CLN6: variants seen among roughly 807,000 people sequenced by gnomAD.
CLN6 encodes ceroid-lipofuscinosis neuronal protein 6.
CLN6 carries 22 observed loss-of-function variants against 33.3 expected under a neutral mutation model. That is an observed-to-expected ratio of 0.66 (90% CI 0.47 to 0.94). The LOEUF (loss-of-function observed/expected upper bound fraction) is 0.94. Among genes scored for constraint, CLN6 ranks in the 40% least tolerant of loss-of-function variants. The pLI, the probability that CLN6 is intolerant of heterozygous loss-of-function variation, is 0.00. For missense variants in CLN6, 387 were observed against 417.1 expected, an observed-to-expected ratio of 0.93 and a Z score of 0.63; for synonymous variants, 201 against 174.6, an observed-to-expected ratio of 1.15 and a Z score of -1.19.
Position 68,229,493 on chromosome 15 carries a change from C to T in CLN6, c.83+9G>A, listed in dbSNP as rs2141156141. 1 of 1,463,330 alleles carries T rather than the reference C, an allele frequency of 6.8e-7. No individual in the cohort carries two copies. Among genetic ancestry groups the T allele is most frequent in the Non-Finnish European group, 9.0e-7 (1 of 1,112,284 alleles). The allele number at this position is 1,463,330 out of a possible 1,614,324, so 90.6% of individuals were successfully genotyped here. A position where few individuals can be genotyped will look rare whatever the true frequency, so the allele number is the denominator to read the frequency against. ...CCTAGCCCGCCCTCTCACCCCGGCG[C>T]GCGCCCACCTGGCCTGCAGGAAGGA... On this transcript the variant is annotated intron_variant, in intron 1 of 6. Coordinates refer to ENST00000249806, the MANE Select transcript of CLN6 (RefSeq NM_017882.3).
At chr15:68,223,761 G>T (rs946114203) in intron 1 of CLN6, among the ~76,000 whole-genome samples, 15 of 152,052 alleles carry the variant, frequency 9.9e-5, no homozygotes, top group African/African-American at 3.4e-4. Context: ...AAAAAAAGAG[G>T]GGGGCTGGGC....
Position 68,207,223 on chromosome 15 carries a change from G to C in CLN6, c.*917C>G, listed in dbSNP as rs1188748944. The C allele has an allele frequency of 6.6e-6, 1 of 152,396 alleles. No individual in the cohort carries two copies. Among genetic ancestry groups the C allele is most frequent in the Non-Finnish European group, 1.5e-5 (1 of 68,180 alleles). 9.4% of individuals were successfully genotyped at this position (152,396 alleles called of 1,614,324 possible). ...GGGCCCAGCACCTTGTAAAGGCTTT[G>C]ATGAGAGGAGCTCTGGCTTTTGCTC... On this transcript the variant is annotated 3_prime_UTR_variant, in exon 7 of 7. Coordinates refer to ENST00000249806, the MANE Select transcript of CLN6 (RefSeq NM_017882.3).
chr15:68,229,468 C>A (rs1444682964), intron 1 of CLN6, 34 bp downstream of exon 1: 4 of 1,442,482 alleles, frequency 2.8e-6, no homozygotes, highest in Non-Finnish European at 3.7e-6. Flanking sequence ...CGCACAGGCG[C>A]CTAGCCCGCC....
In CLN6 at chr15:68,210,168, C is replaced by T. The variant is rs191162831; in HGVS notation, c.543-409G>A. Among the ~76,000 whole-genome samples the T allele has an allele frequency of 6.6e-6, 1 of 152,254 alleles. No homozygotes were observed. The highest frequency in any genetic ancestry group is 6.5e-5 in the Admixed American group (1 of 15,300). On this transcript the variant is annotated intron_variant, in intron 5 of 6. Coordinates refer to ENST00000249806, the MANE Select transcript of CLN6 (RefSeq NM_017882.3). The surrounding 1 kb of genome is among the most constrained non-coding windows in gnomAD (Gnocchi z 5.6). ...AAAAAGAGAACAGCACCTGCAGGGG[C>T]CTCTTGGTGAAGCACTGCACCCACT...
chr15:68,249,865 C>T (rs550672486), intron 1 of CLN6, among the ~76,000 whole-genome samples: 74 of 152,216 alleles, frequency 4.9e-4, no homozygotes, highest in Middle Eastern at 6.8e-3. Context: ...CTCTGCCTCC[C>T]GGGTTCAAGC....
At position 68,256,801 on chromosome 15, in the gene CLN6, A is replaced by G. The variant is rs771145592; in HGVS notation, c.68T>C (p.Ile23Thr). 8.5e-5 allele frequency: 59 copies of G among 691,320 alleles called. No homozygotes were observed. The highest frequency in any genetic ancestry group is 1.9e-5 in the Non-Finnish European group (7 of 378,052). 42.8% of individuals were successfully genotyped at this position (691,320 alleles called of 1,614,324 possible). ...CGCCTCGCCTCCCTCCCTCCTAGGGATGGCTCCCAGTGTCTCTGGCCGGGG... is the reference window on the plus strand; with the variant it reads ...CGCCTCGCCTCCCTCCCTCCTAGGGGTGGCTCCCAGTGTCTCTGGCCGGGG... The change falls in exon 1 of 7, where the codon ATC (isoleucine) becomes ACC (threonine). Residue 23 changes from isoleucine (I) to threonine (T), a missense_variant. Ile to Thr is a moderately conservative substitution (Grantham distance 89). Transcript: ENST00000538696. This position sits in a 1 kb window ranked among gnomAD's most constrained non-coding sequence, Gnocchi z 4.1.
Position 68,207,855 on chromosome 15 carries a change from G to C in CLN6, c.*285C>G. The C allele has an allele frequency of 2.1e-6, 1 of 475,442 alleles. No individual in the cohort carries two copies. The highest frequency in any genetic ancestry group is 6.0e-4 in the Middle Eastern group (1 of 1,658). The allele number at this position is 475,442 out of a possible 1,614,324, so 29.5% of individuals were successfully genotyped here. A position where few individuals can be genotyped will look rare whatever the true frequency, so the allele number is the denominator to read the frequency against. On this transcript the variant is annotated 3_prime_UTR_variant, in exon 7 of 7. Transcript: ENST00000249806. ...GTGGTCAGGTGCAGAGGAGGGCAGG[G>C]GCCCGGATCCTGGCCCAGAAACACT...
At chr15:68,235,587 A>AATAAATAAATAAATAAAT (rs1862434089) in intron 1 of CLN6, among the ~76,000 whole-genome samples, 2 of 95,074 alleles carry the variant, frequency 2.1e-5, no homozygotes, top group African/African-American at 9.2e-5. Flanking sequence ...AATAAAAATA[A>AATAAATAAATAAATAAAT]ATATATATAT....
upstream of CLN6, among the ~76,000 whole-genome samples, chr15:68,233,822 C>G (rs1021325793): frequency 6.6e-6 from 1 of 152,184 alleles, no homozygotes; most frequent in Non-Finnish European, 1.5e-5. The surrounding 1 kb of genome is among the most constrained non-coding windows in gnomAD (Gnocchi z 4.3). Context: ...GAAGGCTGCA[C>G]AAGGACAGAC....
upstream of CLN6, among the ~76,000 whole-genome samples, chr15:68,234,558 T>C (rs561159792): frequency 1.3e-5 from 2 of 152,304 alleles, no homozygotes; most frequent in Non-Finnish European, 1.5e-5. This position sits in a 1 kb window ranked among gnomAD's most constrained non-coding sequence, Gnocchi z 4.1. Flanking sequence ...ATTCAGACCC[T>C]GCCTAGAAGC....
At chr15:68,229,152 C>T (rs1168641909) in intron 1 of CLN6, among the ~76,000 whole-genome samples, 1 of 152,120 alleles carries the variant, frequency 6.6e-6, no homozygotes, top group Non-Finnish European at 1.5e-5. Context: ...TGTGTACCCA[C>T]CGCCCTGGGG....
Position 68,236,880 on chromosome 15 carries a change from G to A in CLN6, c.180-18230C>T, listed in dbSNP as rs1157418499. Among the ~76,000 whole-genome samples the A allele has an allele frequency of 1.3e-5, 2 of 151,818 alleles. No homozygotes were observed. The highest frequency in any genetic ancestry group is 2.9e-5 in the Non-Finnish European group (2 of 67,956). On this transcript the variant is annotated intron_variant, in intron 1 of 6. Coordinates refer to the CLN6 transcript ENST00000538696. The surrounding 1 kb of genome is among the most constrained non-coding windows in gnomAD (Gnocchi z 4.5). ...ACATTAAAACTGAATGGAGGCGGCC[G>A]GGCGCGGTGGCTCACGCCTGTAATC...
chr15:68,250,890 A>G (rs565194141), intron 1 of CLN6, among the ~76,000 whole-genome samples: 1 of 152,354 alleles, frequency 6.6e-6, no homozygotes, highest in South Asian at 2.1e-4. Context: ...ATTTTATACT[A>G]ACTCTTACAA....
In CLN6 at chr15:68,209,610, T is replaced by A; in HGVS notation, c.665+27A>T. On this transcript the variant is annotated intron_variant, in intron 6 of 6. Transcript: ENST00000249806. This position sits in a 1 kb window ranked among gnomAD's most constrained non-coding sequence, Gnocchi z 4.9. ...CCGTGGCTCTCTCAGTGCCCCTGCC[T>A]CTGCCCCCATGCTGATGTCCACTCA... 6.2e-7 allele frequency: 1 copy of A among 1,610,960 alleles called. No homozygotes were observed.
Position 68,209,845 on chromosome 15 carries a change from G to T in CLN6, c.543-86C>A, listed in dbSNP as rs2093199713. 3 of 1,571,808 alleles carry T rather than the reference G, an allele frequency of 1.9e-6. No homozygotes were observed. The South Asian group carries it at 3.3e-5, about 18-fold the overall frequency. ...TGCAACCACTCCCATGGGGTCTCAT[G>T]GAGTGCCACGTCACAGTTTACAAAA... On this transcript the variant is annotated intron_variant, in intron 5 of 6. Coordinates refer to ENST00000249806, the MANE Select transcript of CLN6 (RefSeq NM_017882.3). This position sits in a 1 kb window ranked among gnomAD's most constrained non-coding sequence, Gnocchi z 4.9.
intron 1 of CLN6, among the ~76,000 whole-genome samples, chr15:68,237,952 G>A (rs376734264): frequency 1.3e-4 from 19 of 151,546 alleles, no homozygotes; most frequent in East Asian, 9.7e-4. Context: ...GTGAAACCCC[G>A]TCTCTACTAA....
intron 1 of CLN6, among the ~76,000 whole-genome samples, chr15:68,222,402 CGGCTGCCCAT>C (rs2093239927): frequency 7.1e-6 from 1 of 140,732 alleles, no homozygotes; most frequent in Admixed American, 7.0e-5. Flanking sequence ...CGTCTCTGCC[CGGCTGCCCAT>C]CGTCTGGGAT....
Position 68,256,730 on chromosome 15 carries a change from A to C in CLN6, c.139T>G (p.Cys47Gly). Reference sequence around the variant, plus strand: ...TTGAGTTTTCTCAGCGAAGTCTCACAGGACAATGGCGCCTGCGCCAGTGGC... The same window carrying C: ...TTGAGTTTTCTCAGCGAAGTCTCACCGGACAATGGCGCCTGCGCCAGTGGC... Residue 47 changes from cysteine to glycine, a missense_variant, in exon 1 of 7, where the codon TGT becomes GGT. Cys to Gly is a radical substitution (Grantham distance 159, BLOSUM62 -3). Transcript: ENST00000538696. This position sits in a 1 kb window ranked among gnomAD's most constrained non-coding sequence, Gnocchi z 4.1. The C allele has an allele frequency of 1.4e-6, 1 of 692,102 alleles. No homozygotes were observed. The allele number at this position is 692,102 out of a possible 1,614,324, so 42.9% of individuals were successfully genotyped here.
chr15:68,211,810 G>A lies in CLN6; in HGVS notation c.351C>T (p.Ile117=). The A allele has an allele frequency of 6.2e-7, 1 of 1,613,976 alleles. No individual in the cohort carries two copies. Among genetic ancestry groups the A allele is most frequent in the South Asian group, 1.1e-5 (1 of 91,088 alleles). Residue 117 remains isoleucine, a synonymous_variant, in exon 4 of 7, where the codon ATC becomes ATT. Transcript: ENST00000249806. The surrounding 1 kb of genome is among the most constrained non-coding windows in gnomAD (Gnocchi z 5.9). ...TGCTGGCACCCATGATGAAGATGATGATGCTCACGTACGTGATGGAGCGTG... is the reference window on the plus strand; with the variant it reads ...TGCTGGCACCCATGATGAAGATGATAATGCTCACGTACGTGATGGAGCGTG... ...TLPRSITYVS[I]IIFIMGASIH...
Sources: allele counts gnomAD v4.1 joint callset (sites outside exome capture counted in the v4.1 genomes callset), GRCh38; gene constraint gnomAD v4.1.1; non-coding constraint Gnocchi (gnomAD v3.1); transcripts MANE v1.5; gene names NCBI Gene and HGNC (gene_info 2026-07-23, HGNC 2026-07-21).